The following PMPCB variants were observed in gnomAD, a reference collection of about 807,000 sequenced individuals.
PMPCB encodes the protein mitochondrial-processing peptidase subunit beta.
PMPCB carries 46 observed loss-of-function variants against 61.5 expected under a neutral mutation model. That is an observed-to-expected ratio of 0.75 (90% CI 0.59 to 0.96). PMPCB has a LOEUF of 0.96. Among genes scored for constraint, PMPCB ranks in the 40% least tolerant of loss-of-function variants. PMPCB has a pLI of 0.00. For missense variants in PMPCB, 590 were observed against 602.4 expected (o/e 0.98, Z 0.22); for synonymous variants, 191 against 201.6 (o/e 0.95, Z 0.44).
rs779796307 is a variant in PMPCB, at chr7:103,310,456, CATGTTGTTCAAAAAGA to C, written c.1139_1154del (p.Val380GlyfsTer20). The C allele has an allele frequency of 6.2e-7, 1 of 1,602,900 alleles. No individual in the cohort carries two copies. The highest frequency in any genetic ancestry group is 8.5e-7 in the Non-Finnish European group (1 of 1,176,594). On this transcript the variant is annotated frameshift_variant, in exon 9 of 13. Coordinates refer to ENST00000249269, the MANE Select transcript of PMPCB (RefSeq NM_004279.3). LOFTEE classifies it high-confidence loss of function. ...ATCATCCACTGTTGCAGACATGCTACATGTTGTTCAAAAAGAATGGTGAGAAAAATAGCTTTAAGTA... is the reference window on the plus strand; with the variant it reads ...ATCATCCACTGTTGCAGACATGCTACATGGTGAGAAAAATAGCTTTAAGTA...
At chr7:103,329,104 A>G in exon 13 of PMPCB, 1 of 608,260 alleles carries the variant, frequency 1.6e-6, no homozygotes, top group East Asian at 8.1e-5. Flanking sequence ...TTTGTTTTTC[A>G]TCCTTTAACT....
chr7:103,321,746 G>A (rs1818429375), intron 12 of PMPCB, among the ~76,000 whole-genome samples: 1 of 152,222 alleles, frequency 6.6e-6, no homozygotes, highest in South Asian at 2.1e-4. Context: ...CTACTCGGGA[G>A]GCTGAGGCAG....
chr7:103,327,942 CAG>C (rs1445355938), intron 12 of PMPCB, among the ~76,000 whole-genome samples: 1 of 152,110 alleles, frequency 6.6e-6, no homozygotes, highest in African/African-American at 2.4e-5. Flanking sequence ...TTTTTTGAGA[CAG>C]AGTTTTGCTC....
Position 103,309,041 on chromosome 7 carries a change from C to T in PMPCB, c.939C>T (p.Leu313=). The T allele has an allele frequency of 6.2e-7, 1 of 1,608,298 alleles. No individual in the cohort carries two copies. The stretch of plus-strand genomic sequence containing the variant: ...GGGCACATCCAGATACAATCTGTCT[C>T]ATGGTTGCAAACACGCTGATTGGCA... ...VGWAHPDTIC[L]MVANTLIGNW... is the part of the protein sequence containing the mutation. The change falls in exon 8 of 13, where the codon CTC becomes CTT. Residue 313 remains leucine (L), a synonymous_variant. Transcript: ENST00000249269.
chr7:103,327,220 C>A (rs956524805), intron 12 of PMPCB: 4 of 500,144 alleles, frequency 8.0e-6, no homozygotes, highest in Non-Finnish European at 6.5e-6. Context: ...TAATCAACTT[C>A]TTGATTTAAA....
In PMPCB at chr7:103,303,955, G is replaced by T. The variant is rs1209603269; in HGVS notation, c.571G>T (p.Glu191Ter). The change falls in exon 5 of 13, where the codon GAA (glutamate) becomes TAA (stop). Residue 191 changes from glutamate to a stop codon, truncating the protein, a stop_gained. Transcript: ENST00000249269. LOFTEE classifies it high-confidence loss of function. ...GCAGGAAGTTGAAACCAATTTACAA[G>T]AAGTTGTTTTTGATTATCTTCATGC... ...EMQEVETNLQ[E>*]VVFDYLHATA... The T allele has an allele frequency of 6.2e-7, 1 of 1,613,816 alleles. No individual in the cohort carries two copies. The highest frequency in any genetic ancestry group is 8.5e-7 in the Non-Finnish European group (1 of 1,179,718).
downstream of PMPCB, chr7:103,316,769 C>CT: frequency 7.4e-7 from 1 of 1,356,132 alleles, no homozygotes; most frequent in South Asian, 1.3e-5. Context: ...TATTTGGAGT[C>CT]TGTCTACATT....
At chr7:103,298,020 A>G (rs112981211) in intron 1 of PMPCB, 26 of 913,614 alleles carry the variant, frequency 2.8e-5, no homozygotes, top group Non-Finnish European at 3.5e-5. Flanking sequence ...AAGGGATGTG[A>G]GACTTTTGTA....
rs897112038 is a variant in PMPCB at position 103,302,502 on chromosome 7, C to T, written c.458-1340C>T. Among the ~76,000 whole-genome samples the T allele has an allele frequency of 2.0e-5, 3 of 152,196 alleles. 1 individual carries two copies. In the South Asian group the frequency reaches 6.2e-4, roughly 31 times the overall value. On this transcript the variant is annotated intron_variant, in intron 4 of 12. Coordinates refer to ENST00000249269, the MANE Select transcript of PMPCB (RefSeq NM_004279.3). ...AGGATTTTCACACAGGAATTCTTGTCCTTCCATTTGTCTATGGGCTCTTTC... is the reference window on the plus strand; with the variant it reads ...AGGATTTTCACACAGGAATTCTTGTTCTTCCATTTGTCTATGGGCTCTTTC...
the PMPCB span, among the ~76,000 whole-genome samples, chr7:103,342,388 C>A: frequency 6.6e-6 from 1 of 151,612 alleles, no homozygotes; most frequent in African/African-American, 2.4e-5. Flanking sequence ...TCAATGCCGT[C>A]TCCACCTCCC....
Position 103,312,439 on chromosome 7 carries a change from T to A in PMPCB, c.*168T>A. On this transcript the variant is annotated 3_prime_UTR_variant, in exon 13 of 13. Coordinates refer to ENST00000249269, the MANE Select transcript of PMPCB (RefSeq NM_004279.3). Reference sequence around the variant, plus strand: ...AAGGTTGTTTTGTATTAATGGTCAGTCTTTGTTCTCTGAGAAATTATGTTG... The same window carrying A: ...AAGGTTGTTTTGTATTAATGGTCAGACTTTGTTCTCTGAGAAATTATGTTG... 6.6e-7 allele frequency: 1 copy of A among 1,517,232 alleles called. No homozygotes were observed. 94.0% of individuals were successfully genotyped at this position (1,517,232 alleles called of 1,614,324 possible).
intron 2 of PMPCB, 85 bp from the exon 3 acceptor site, chr7:103,299,358 T>C: frequency 1.7e-5 from 13 of 751,302 alleles, no homozygotes; most frequent in Non-Finnish European, 2.6e-5. Flanking sequence ...CCAGAAAGCA[T>C]TTGTCAGAAA....
downstream of PMPCB, among the ~76,000 whole-genome samples, chr7:103,332,630 T>C (rs939657929): frequency 6.6e-6 from 1 of 151,946 alleles, no homozygotes; most frequent in African/African-American, 2.4e-5. Context: ...CATCCTTTTT[T>C]TTTTGCGGGG....
intron 12 of PMPCB, chr7:103,321,832 A>C: frequency 7.2e-7 from 1 of 1,386,664 alleles, no homozygotes. Context: ...TGGGCGACAG[A>C]GCGAGACCCC....
chr7:103,346,165 C>A, the PMPCB span, among the ~76,000 whole-genome samples: 1 of 152,112 alleles, frequency 6.6e-6, no homozygotes, highest in African/African-American at 2.4e-5. Context: ...CAGAGGCTTG[C>A]TCTGTCGCCC....
In PMPCB at chr7:103,307,615, G is replaced by A; in HGVS notation, c.756G>A (p.Leu252=). Residue 252 remains leucine, a synonymous_variant, in exon 7 of 13, where the codon TTG becomes TTA. Coordinates refer to ENST00000249269, the MANE Select transcript of PMPCB (RefSeq NM_004279.3). ...AAAGGVSHDE[L]LDLAKFHFGD... is the part of the protein sequence containing the mutation. ...ATTTAGGTGTTTCCCATGATGAATT[G>A]CTTGACTTAGCAAAGTTTCATTTCG... 1 of 1,609,670 alleles carries A rather than the reference G, an allele frequency of 6.2e-7. No homozygotes were observed. The highest frequency in any genetic ancestry group is 1.1e-5 in the South Asian group (1 of 90,974).
At chr7:103,323,690 T>G in intron 12 of PMPCB, 10 of 1,358,154 alleles carry the variant, frequency 7.4e-6, no homozygotes, top group East Asian at 2.6e-5. Context: ...TAATACATGA[T>G]CAAGACAGAA....
intron 12 of PMPCB, among the ~76,000 whole-genome samples, chr7:103,321,363 A>C (rs753256855): frequency 6.6e-6 from 1 of 151,182 alleles, no homozygotes; most frequent in Non-Finnish European, 1.5e-5. Context: ...CTAAAAATAC[A>C]AAAAATTAGC....
At chr7:103,299,800 T>C (rs1184529431) in intron 3 of PMPCB, among the ~76,000 whole-genome samples, 1 of 152,254 alleles carries the variant, frequency 6.6e-6, no homozygotes, top group Non-Finnish European at 1.5e-5. Context: ...AGATAGGATC[T>C]GGCTCTGTTG....
Sources: gnomAD v4.1 joint callset for allele counts (sites outside exome capture counted in the v4.1 genomes callset) on GRCh38, gnomAD v4.1.1 for gene constraint, MANE v1.5 for transcripts, NCBI Gene and HGNC (gene_info 2026-07-23, HGNC 2026-07-21) for gene names.